Variants in GRAMD1C observed in about 807,000 individuals in gnomAD.
GRAMD1C encodes protein Aster-C.
In GRAMD1C, 89 loss-of-function variants were observed where a neutral mutation model predicts 97.8. The ratio of observed to expected loss-of-function variants is 0.91; its 90% CI spans 0.77 to 1.09. GRAMD1C has a LOEUF of 1.09. Among genes scored for constraint, GRAMD1C ranks in the 50% least tolerant of loss-of-function variants. The probability of loss-of-function intolerance (pLI) is 0.00; values close to 1 mark genes in which losing one functional copy is unlikely to be tolerated. For missense variants in GRAMD1C, 740 were observed against 766.4 expected (o/e 0.97, Z 0.41); for synonymous variants, 256 against 267.0 (o/e 0.96, Z 0.40).
chr3:113,932,900 T>A (rs1414760961), intron 11 of GRAMD1C, among the ~76,000 whole-genome samples: 2 of 151,312 alleles, frequency 1.3e-5, no homozygotes, highest in African/African-American at 4.9e-5. Flanking sequence ...TTTTTTTTTT[T>A]GAGACAGAGT....
intron 6 of GRAMD1C, among the ~76,000 whole-genome samples, chr3:113,884,704 TG>T (rs1319209770): frequency 1.3e-5 from 2 of 151,828 alleles, no homozygotes; most frequent in Non-Finnish European, 2.9e-5. Flanking sequence ...CTGGGCGTGG[TG>T]GCGGGCACCT....
At chr3:113,910,076 C>T (rs1361812006) in intron 9 of GRAMD1C, among the ~76,000 whole-genome samples, 1 of 151,948 alleles carries the variant, frequency 6.6e-6, no homozygotes, top group Non-Finnish European at 1.5e-5. Context: ...AATAATATTC[C>T]ATATGGCATT....
chr3:113,866,142 T>C (rs1454454730), intron 2 of GRAMD1C, among the ~76,000 whole-genome samples: 1 of 152,220 alleles, frequency 6.6e-6, no homozygotes, highest in Non-Finnish European at 1.5e-5. Flanking sequence ...GCTGGTTTTC[T>C]GTGTAGTCAT....
chr3:113,849,341 G>C (rs946744559), intron 2 of GRAMD1C, among the ~76,000 whole-genome samples: 4 of 150,924 alleles, frequency 2.7e-5, no homozygotes, highest in African/African-American at 9.7e-5. Flanking sequence ...GTTTCTCGCA[G>C]AGGGGGATTT....
At chr3:113,903,331 T>C (rs1393846609) in intron 7 of GRAMD1C, among the ~76,000 whole-genome samples, 1 of 152,166 alleles carries the variant, frequency 6.6e-6, no homozygotes, top group Non-Finnish European at 1.5e-5. Context: ...TTCTACTTCT[T>C]TTCCTGTTCT....
chr3:113,891,738 T>A (rs1026373691), intron 6 of GRAMD1C, among the ~76,000 whole-genome samples: 1 of 151,038 alleles, frequency 6.6e-6, no homozygotes, highest in Admixed American at 6.6e-5. Flanking sequence ...TTAAAAAAAA[T>A]TAGCTAGGTG....
intron 9 of GRAMD1C, among the ~76,000 whole-genome samples, chr3:113,911,963 G>A (rs9843141): frequency 0.2 from 30,618 of 151,792 alleles, 3,085 homozygotes; most frequent in African/African-American, 0.23. Context: ...TCCTGACCTC[G>A]TGATCAGCCC....
At chr3:113,900,684 C>CCAAA (rs1253603301) in intron 6 of GRAMD1C, among the ~76,000 whole-genome samples, 5 of 151,822 alleles carry the variant, frequency 3.3e-5, no homozygotes, top group Admixed American at 3.3e-4. Context: ...CCTCAGCCTC[C>CCAAA]CAAAGTGCTG....
At chr3:113,910,463 G>C (rs1936526956) in intron 9 of GRAMD1C, among the ~76,000 whole-genome samples, 1 of 152,222 alleles carries the variant, frequency 6.6e-6, no homozygotes, top group Admixed American at 6.5e-5. Context: ...TGATGATAAA[G>C]AGAATCATGA....
intron 6 of GRAMD1C, among the ~76,000 whole-genome samples, chr3:113,897,061 T>C (rs1284100125): frequency 6.6e-6 from 1 of 152,204 alleles, no homozygotes; most frequent in Non-Finnish European, 1.5e-5. Flanking sequence ...GGGTGCTTAG[T>C]AGAATTATTC....
At chr3:113,893,835 T>C (rs141272429) in intron 6 of GRAMD1C, among the ~76,000 whole-genome samples, 2 of 152,350 alleles carry the variant, frequency 1.3e-5, no homozygotes, top group African/African-American at 4.8e-5. Context: ...TTAGTAGAAC[T>C]TCAATGATTT....
chr3:113,879,137 G>T (rs1339262498), intron 5 of GRAMD1C, among the ~76,000 whole-genome samples: 2 of 151,916 alleles, frequency 1.3e-5, no homozygotes, highest in African/African-American at 2.4e-5. Context: ...CCCGGGGGGT[G>T]GAGGTTGCAG....
At chr3:113,917,573 C>T (rs143909637) in intron 10 of GRAMD1C, among the ~76,000 whole-genome samples, 1,668 of 152,272 alleles carry the variant, frequency 0.011, 32 homozygotes, top group African/African-American at 0.038. Flanking sequence ...CTAACCCCCT[C>T]AGCCTCCCAA....
chr3:113,888,146 T>G (rs535351091), intron 6 of GRAMD1C, among the ~76,000 whole-genome samples: 1 of 152,304 alleles, frequency 6.6e-6, no homozygotes, highest in East Asian at 1.9e-4. Flanking sequence ...AGTATTACCT[T>G]GATACCAAAA....
intron 8 of GRAMD1C, among the ~76,000 whole-genome samples, chr3:113,908,086 C>A (rs764642340): frequency 6.6e-6 from 1 of 152,134 alleles, no homozygotes; most frequent in Non-Finnish European, 1.5e-5. Flanking sequence ...CCTGTATCCT[C>A]CCTGGAGCTG....
intron 9 of GRAMD1C, among the ~76,000 whole-genome samples, chr3:113,913,757 C>T (rs981340187): frequency 6.6e-6 from 1 of 152,104 alleles, no homozygotes; most frequent in Non-Finnish European, 1.5e-5. Flanking sequence ...AAATCTTGGA[C>T]TTGTCATATG....
In GRAMD1C at chr3:113,876,221, C is replaced by T. The variant is rs778753357; in HGVS notation, c.420C>T (p.Leu140=). The change falls in exon 5 of 18, where the codon CTC becomes CTT. Residue 140 remains leucine (L), a synonymous_variant. Transcript: ENST00000358160. ...TGACCAAGGAAAAAACTGCTCGACTCATCCCAAACGCTATCCAGATAGTTA... is the reference window on the plus strand; with the variant it reads ...TGACCAAGGAAAAAACTGCTCGACTTATCCCAAACGCTATCCAGATAGTTA... The part of the protein sequence containing the change: ...TFMTKEKTAR[L]IPNAIQIVTE... 46 of 1,599,748 alleles carry T rather than the reference C, an allele frequency of 2.9e-5. No individual in the cohort carries two copies. In the East Asian group the frequency reaches 3.1e-4, roughly 11 times the overall value.
At position 113,869,488 on chromosome 3, in the gene GRAMD1C, A is replaced by C. The variant is rs1934707939; in HGVS notation, c.175-19A>C. The C allele has an allele frequency of 1.7e-6, 2 of 1,196,004 alleles. No homozygotes were observed. The highest frequency in any genetic ancestry group is 2.3e-5 in the East Asian group (1 of 42,632). The allele number at this position is 1,196,004 out of a possible 1,614,324, so 74.1% of individuals were successfully genotyped here. The stretch of plus-strand genomic sequence containing the variant: ...TATAATTACAATTAGACAGAAATGT[A>C]ATCTTTTTATTGTTGCAGATTTCAA... On this transcript the variant is annotated intron_variant, in intron 2 of 17. Coordinates refer to ENST00000358160, the MANE Select transcript of GRAMD1C (RefSeq NM_017577.5).
At chr3:113,835,920 T>A (rs1221051413), upstream of GRAMD1C, among the ~76,000 whole-genome samples, 2 of 152,248 alleles carry the variant, frequency 1.3e-5, no homozygotes, top group African/African-American at 4.8e-5. Flanking sequence ...TGTCTTTTAC[T>A]GATTATCTTA....
Sources: allele counts gnomAD v4.1 joint callset (sites outside exome capture counted in the v4.1 genomes callset), GRCh38; gene constraint gnomAD v4.1.1; transcripts MANE v1.5; gene names NCBI Gene and HGNC (gene_info 2026-07-23, HGNC 2026-07-21).